Variants in FCHO2 observed in about 807,000 individuals in gnomAD.
FCHO2 encodes the protein F-BAR domain only protein 2.
A neutral mutation model predicts 114.1 loss-of-function variants in FCHO2; 43 were observed. The observed-to-expected ratio is 0.38, with a 90% CI of 0.30 to 0.49. The LOEUF is 0.49. FCHO2 is among the 20% of genes least tolerant of loss of function. FCHO2 has a pLI of 0.97. For missense variants in FCHO2, 807 were observed against 950.4 expected (o/e 0.85, Z 1.98); for synonymous variants, 293 against 315.2 (o/e 0.93, Z 0.75).
At position 72,995,653 on chromosome 5, in the gene FCHO2, T is replaced by C. The variant is rs1754051749; in HGVS notation, c.495+4789T>C. Among the ~76,000 whole-genome samples, 3 of 152,186 alleles carry C rather than the reference T, an allele frequency of 2.0e-5. No individual in the cohort carries two copies. In the South Asian group the frequency reaches 6.2e-4, roughly 32 times the overall value. ...CACATCTAGTGAGAGCCTTCTTGCTTGTGGGGAGTCTGCCGAATTCTCAGA... is the reference window on the plus strand; with the variant it reads ...CACATCTAGTGAGAGCCTTCTTGCTCGTGGGGAGTCTGCCGAATTCTCAGA... On this transcript the variant is annotated intron_variant, in intron 5 of 25. Coordinates refer to ENST00000430046, the MANE Select transcript of FCHO2 (RefSeq NM_138782.3).
In FCHO2 at chr5:73,078,224, A is replaced by G; in HGVS notation, c.1892A>G (p.Asn631Ser). 6.3e-7 allele frequency: 1 copy of G among 1,583,906 alleles called. No homozygotes were observed. Residue 631 changes from asparagine (N) to serine (S), a missense_variant, in exon 22 of 26, where the codon AAC becomes AGC. Coordinates refer to ENST00000430046, the MANE Select transcript of FCHO2 (RefSeq NM_138782.3). ...CDSNTKDFWM[N>S]MQAVTVYLKK... The stretch of plus-strand genomic sequence containing the variant: ...TCCAACACAAAAGATTTTTGGATGA[A>G]CATGCAAGCTGTTACAGTCTACCTC...
rs536895796 is a variant in FCHO2, at chr5:72,966,765, A to G, written c.34-1733A>G. Reference sequence around the variant, plus strand: ...GTATTATGTAACACTTGCTTATGGTATAACACTTTCCAACAAATATATTCC... The same window carrying G: ...GTATTATGTAACACTTGCTTATGGTGTAACACTTTCCAACAAATATATTCC... On this transcript the variant is annotated intron_variant, in intron 1 of 25. Transcript: ENST00000430046. Among the ~76,000 whole-genome samples, 47 of 152,348 alleles carry G rather than the reference A, an allele frequency of 3.1e-4. 1 individual carries two copies. The South Asian group carries it at 9.3e-3, about 30-fold the overall frequency.
chr5:73,086,858 T>G (rs1743329725), intron 24 of FCHO2, among the ~76,000 whole-genome samples: 3 of 152,190 alleles, frequency 2.0e-5, no homozygotes. Context: ...AGATGCTATT[T>G]CGTTAAATGC....
At chr5:73,068,016 A>G (rs1276704749) in intron 18 of FCHO2, among the ~76,000 whole-genome samples, 1 of 152,010 alleles carries the variant, frequency 6.6e-6, no homozygotes, top group African/African-American at 2.4e-5. Context: ...CTGAGTGAGG[A>G]AGCATTACAA....
rs1337802959 is a variant in FCHO2 at position 73,089,026 on chromosome 5, CAG to C, written c.*939_*940del. ...TTGGCCTGCAACTGGGAAGGGGATT[CAG>C]AGTCATAAAGCCTAACTTAAGAATC... On this transcript the variant is annotated 3_prime_UTR_variant, in exon 26 of 26. Coordinates refer to ENST00000430046, the MANE Select transcript of FCHO2 (RefSeq NM_138782.3). 1 of 152,338 alleles carries C rather than the reference CAG, an allele frequency of 6.6e-6. No homozygotes were observed. Among genetic ancestry groups the C allele is most frequent in the African/African-American group, 2.4e-5 (1 of 41,350 alleles). 9.4% of individuals were successfully genotyped at this position (152,338 alleles called of 1,614,324 possible).
intron 1 of FCHO2, among the ~76,000 whole-genome samples, chr5:72,967,439 CT>C (rs749148744): frequency 6.6e-6 from 1 of 152,142 alleles, no homozygotes; most frequent in Non-Finnish European, 1.5e-5. Context: ...GACTTAAGTA[CT>C]TTACTGTCTT....
intron 16 of FCHO2, 112 bp downstream of exon 16, chr5:73,056,219 C>A: frequency 1.4e-6 from 1 of 738,726 alleles, no homozygotes. Context: ...ATGCTCCCTG[C>A]CCCTTCATAT....
intron 7 of FCHO2, among the ~76,000 whole-genome samples, chr5:73,016,413 G>A (rs796576): frequency 2.7e-5 from 3 of 110,666 alleles, no homozygotes; most frequent in Admixed American, 9.7e-5. Context: ...TATTAAAAAA[G>A]ATTTTAAATT....
intron 8 of FCHO2, among the ~76,000 whole-genome samples, chr5:73,019,950 C>T (rs1755525332): frequency 6.6e-6 from 1 of 152,124 alleles, no homozygotes; most frequent in Non-Finnish European, 1.5e-5. Flanking sequence ...GACTTGTCTC[C>T]ACACCTCTCA....
chr5:73,068,471 T>C (rs1437386175), intron 18 of FCHO2, among the ~76,000 whole-genome samples, 179 bp from the exon 19 acceptor site: 2 of 152,044 alleles, frequency 1.3e-5, no homozygotes, highest in Non-Finnish European at 2.9e-5. Flanking sequence ...AAAATAATCT[T>C]TTCAGGCTTT....
At chr5:73,060,149 A>G (rs1335650140) in intron 17 of FCHO2, among the ~76,000 whole-genome samples, 1 of 151,916 alleles carries the variant, frequency 6.6e-6, no homozygotes, top group Non-Finnish European at 1.5e-5. Flanking sequence ...TCATATCACC[A>G]TCACTTCAGG....
intron 11 of FCHO2, among the ~76,000 whole-genome samples, chr5:73,042,330 A>C (rs1184661303): frequency 6.6e-6 from 1 of 152,182 alleles, no homozygotes; most frequent in Non-Finnish European, 1.5e-5. Flanking sequence ...GTTTGGCATT[A>C]ACTTTAGTAC....
intron 1 of FCHO2, among the ~76,000 whole-genome samples, chr5:72,966,328 GT>G (rs1416551750): frequency 2.6e-5 from 4 of 152,110 alleles, no homozygotes; most frequent in Non-Finnish European, 4.4e-5. Context: ...TTATCTTTTT[GT>G]TTTTTTAGAG....
At chr5:73,075,396 G>A (rs1418316575) in intron 20 of FCHO2, among the ~76,000 whole-genome samples, 1 of 152,088 alleles carries the variant, frequency 6.6e-6, no homozygotes, top group Non-Finnish European at 1.5e-5. Flanking sequence ...AGATACCAAG[G>A]TAAAAGCATA....
At chr5:73,062,815 TTGA>T (rs1297224177) in intron 17 of FCHO2, among the ~76,000 whole-genome samples, 1 of 152,056 alleles carries the variant, frequency 6.6e-6, no homozygotes, top group Admixed American at 6.6e-5. Flanking sequence ...GATTCCTCCA[TTGA>T]TGATTAAAGG....
At chr5:72,976,318 A>G (rs1330530415) in intron 2 of FCHO2, among the ~76,000 whole-genome samples, 1 of 151,898 alleles carries the variant, frequency 6.6e-6, no homozygotes, top group Admixed American at 6.6e-5. Flanking sequence ...GCCTCAAGTG[A>G]TCCTCCTTGC....
At chr5:73,017,101 T>G (rs1033358863) in intron 7 of FCHO2, 111 bp from the exon 8 acceptor site, 1 of 656,426 alleles carries the variant, frequency 1.5e-6, no homozygotes, top group Non-Finnish European at 2.4e-6. Context: ...GGGCCTTGGG[T>G]CAAAAATACA....
chr5:72,995,818 G>A (rs1044906491), intron 5 of FCHO2, among the ~76,000 whole-genome samples: 2 of 151,946 alleles, frequency 1.3e-5, no homozygotes, highest in Admixed American at 1.3e-4. Context: ...ATTTATGAGG[G>A]CAGAGCCTTC....
intron 13 of FCHO2, 93 bp downstream of exon 13, chr5:73,052,600 C>T: frequency 2.1e-6 from 2 of 975,108 alleles, no homozygotes. Flanking sequence ...AATTGTTAAG[C>T]ATGTTGACTG....
Sources: gnomAD v4.1 joint callset for allele counts (sites outside exome capture counted in the v4.1 genomes callset) on GRCh38, gnomAD v4.1.1 for gene constraint, MANE v1.5 for transcripts, NCBI Gene and HGNC (gene_info 2026-07-23, HGNC 2026-07-21) for gene names.